Variants in APBB1 observed in about 807,000 individuals in gnomAD.
APBB1 encodes the protein amyloid beta precursor protein binding family B member 1, also known as adaptor protein FE65a2.
Under a neutral mutation model 78.4 loss-of-function variants are expected in APBB1, and 22 were observed. The observed-to-expected ratio is 0.28, with a 90% CI of 0.20 to 0.40. The LOEUF (loss-of-function observed/expected upper bound fraction) is 0.40, where lower values mean the gene tolerates loss of function less well. APBB1 is among the 10% of genes least tolerant of loss of function. The pLI is 1.00. For missense variants in APBB1, 749 were observed against 932.4 expected (o/e 0.80, Z 2.56); for synonymous variants, 369 against 372.7 (o/e 0.99, Z 0.12).
rs1848745595 is a variant in APBB1, at chr11:6,405,117, AC to A, written c.722-1296del. The A allele has an allele frequency of 5.4e-6, 7 of 1,306,072 alleles. No individual in the cohort carries two copies. The East Asian group carries it at 2.2e-4, about 42-fold the overall frequency. 80.9% of individuals were successfully genotyped at this position (1,306,072 alleles called of 1,614,324 possible). A position where few individuals can be genotyped will look rare whatever the true frequency, so the allele number is the denominator to read the frequency against. ...TCCCCCAATCCTGAATCTCCATCCC[AC>A]CCTCCAGTGGTTACCTCAGTGCCTA... On this transcript the variant is annotated intron_variant, in intron 2 of 14. Transcript: ENST00000609360.
At position 6,396,227 on chromosome 11, in the gene APBB1, G is replaced by GGACACAAGATACCACTGAGGGTA; in HGVS notation, c.1673-35_1673-13dup. On this transcript the variant is annotated splice_polypyrimidine_tract_variant and intron_variant, in intron 12 of 14. Coordinates refer to ENST00000609360, the MANE Select transcript of APBB1 (RefSeq NM_001164.5). ...AATCACATCTACCCCTAGAACATAT[G>GGACACAAGATACCACTGAGGGTA]GACACAAGATACCACTGAGGGTAGA... 1 of 1,547,458 alleles carries GGACACAAGATACCACTGAGGGTA rather than the reference G, an allele frequency of 6.5e-7. No homozygotes were observed. The highest frequency in any genetic ancestry group is 2.4e-5 in the East Asian group (1 of 40,888).
chr11:6,404,852 C>A, intron 2 of APBB1: 2 of 1,531,502 alleles, frequency 1.3e-6, no homozygotes, highest in Non-Finnish European at 1.7e-6. Context: ...GCCCCTCCAG[C>A]CCAGCCAGCT....
intron 12 of APBB1, among the ~76,000 whole-genome samples, chr11:6,399,438 C>T (rs1489343639): frequency 6.6e-6 from 1 of 152,238 alleles, no homozygotes; most frequent in Admixed American, 6.5e-5. Context: ...GAAGGTCCAA[C>T]AGCCAGGAAC....
chr11:6,417,251 T>A (rs1849143362), intron 1 of APBB1, among the ~76,000 whole-genome samples: 1 of 152,194 alleles, frequency 6.6e-6, no homozygotes, highest in South Asian at 2.1e-4. Context: ...CTAAGCTGAA[T>A]TAACTTCTAC....
In APBB1 at chr11:6,401,164, G is replaced by A. The variant is rs1480564036; in HGVS notation, c.1589-92C>T. Reference sequence around the variant, plus strand: ...GCATAAGCTGGACACTTGCCCAGCCGAGGCCCTACTTTCATCTCGTCCCCT... The same window carrying A: ...GCATAAGCTGGACACTTGCCCAGCCAAGGCCCTACTTTCATCTCGTCCCCT... On this transcript the variant is annotated intron_variant, in intron 11 of 14. Coordinates refer to ENST00000609360, the MANE Select transcript of APBB1 (RefSeq NM_001164.5). The surrounding 1 kb of genome is among the most constrained non-coding windows in gnomAD (Gnocchi z 4.5). The A allele has an allele frequency of 1.9e-5, 31 of 1,613,068 alleles. No individual in the cohort carries two copies. The highest frequency in any genetic ancestry group is 1.0e-4 in the Admixed American group (6 of 59,960).
chr11:6,395,685 C>T lies in APBB1; in HGVS notation c.1982G>A (p.Cys661Tyr). ...QAACMLRYQK[C>Y]LDARSQASTS... ...GGAGGCCTGGGAACGGGCATCCAGA[C>T]ACTTCTGGTAGCGAAGCTGCGGAGG... Residue 661 changes from cysteine to tyrosine, a missense_variant, in exon 15 of 15, where the codon TGT (cysteine) becomes TAT (tyrosine). Coordinates refer to ENST00000609360, the MANE Select transcript of APBB1 (RefSeq NM_001164.5). This position sits in a 1 kb window ranked among gnomAD's most constrained non-coding sequence, Gnocchi z 5.2. The T allele has an allele frequency of 1.3e-6, 2 of 1,588,554 alleles. No individual in the cohort carries two copies. Among genetic ancestry groups the T allele is most frequent in the Non-Finnish European group, 1.7e-6 (2 of 1,166,592 alleles).
At chr11:6,405,648 C>T in intron 2 of APBB1, 1 of 985,888 alleles carries the variant, frequency 1.0e-6, no homozygotes, top group South Asian at 4.7e-5. Flanking sequence ...CTTCACCATC[C>T]TCAGCTTCCA....
chr11:6,399,660 G>C (rs1311346110), intron 12 of APBB1, among the ~76,000 whole-genome samples: 1 of 152,172 alleles, frequency 6.6e-6, no homozygotes, highest in Non-Finnish European at 1.5e-5. Flanking sequence ...CCATGAAATA[G>C]CCAAAGTGAG....
intron 6 of APBB1, 181 bp from the exon 7 acceptor site, chr11:6,402,906 A>T (rs763053134): frequency 1.2e-6 from 1 of 831,546 alleles, no homozygotes; most frequent in Non-Finnish European, 1.8e-6. Context: ...ATGAGACCCC[A>T]GCTAGTACAA....
chr11:6,406,974 G>A (rs965913527), intron 2 of APBB1, among the ~76,000 whole-genome samples: 3 of 152,216 alleles, frequency 2.0e-5, no homozygotes, highest in Admixed American at 1.3e-4. Flanking sequence ...ATAAGGCCTG[G>A]AGCAGAGTAT....
intron 2 of APBB1, among the ~76,000 whole-genome samples, chr11:6,408,011 C>T (rs1368265116): frequency 2.0e-5 from 3 of 151,958 alleles, no homozygotes; most frequent in Admixed American, 6.6e-5. Context: ...GATCTCCTGA[C>T]CTCATGATCC....
chr11:6,410,605 C>T, intron 2 of APBB1, 22 bp downstream of exon 2: 4 of 1,507,334 alleles, frequency 2.7e-6, no homozygotes, highest in Non-Finnish European at 3.5e-6. Flanking sequence ...CCCACATGCC[C>T]ATGTCAAGCT....
In APBB1 at chr11:6,403,475, T is replaced by C; in HGVS notation, c.954+13A>G. ...TCCAGCTATCCCGTGGTAAAGCAGG[T>C]CCCCTTACCCACCTTCCAAAATTCT... is the stretch of plus-strand genomic sequence containing the variant. On this transcript the variant is annotated intron_variant, in intron 4 of 14. Coordinates refer to ENST00000609360, the MANE Select transcript of APBB1 (RefSeq NM_001164.5). The surrounding 1 kb of genome is among the most constrained non-coding windows in gnomAD (Gnocchi z 5.3). 1 of 1,614,122 alleles carries C rather than the reference T, an allele frequency of 6.2e-7. No individual in the cohort carries two copies. Among genetic ancestry groups the C allele is most frequent in the Non-Finnish European group, 8.5e-7 (1 of 1,179,998 alleles).
rs1356794530 is a variant in APBB1 at position 6,401,135 on chromosome 11, C to T, written c.1589-63G>A. 1 of 1,614,096 alleles carries T rather than the reference C, an allele frequency of 6.2e-7. No individual in the cohort carries two copies. The highest frequency in any genetic ancestry group is 1.3e-5 in the African/African-American group (1 of 75,032). On this transcript the variant is annotated intron_variant, in intron 11 of 14. Coordinates refer to ENST00000609360, the MANE Select transcript of APBB1 (RefSeq NM_001164.5). This position sits in a 1 kb window ranked among gnomAD's most constrained non-coding sequence, Gnocchi z 4.5. ...CCTTGCTCACCCGCAGCCCCACCAG[C>T]AGGGCATAAGCTGGACACTTGCCCA... is the stretch of plus-strand genomic sequence containing the variant.
At position 6,401,604 on chromosome 11, in the gene APBB1, G is replaced by C; in HGVS notation, c.1473C>G (p.Ile491Met). 1.2e-6 allele frequency: 2 copies of C among 1,614,160 alleles called. No homozygotes were observed. Among genetic ancestry groups the C allele is most frequent in the Non-Finnish European group, 1.7e-6 (2 of 1,180,038 alleles). ...AGCAGATCTCATGCAGGCTGGTGGC[G>C]ATGTTCTTGGCAGGTGCCTCACAGC... The part of the protein sequence containing the change: ...VFRCEAPAKN[I>M]ATSLHEICSK... The change falls in exon 10 of 15, where the codon ATC (isoleucine) becomes ATG (methionine). Residue 491 changes from isoleucine to methionine, a missense_variant. This residue lies in a region of APBB1 where 635 missense variants were observed against 765.0 expected (regional missense o/e 0.83). Transcript: ENST00000609360. This position sits in a 1 kb window ranked among gnomAD's most constrained non-coding sequence, Gnocchi z 4.5.
chr11:6,413,209 C>T (rs1445474815), intron 1 of APBB1, among the ~76,000 whole-genome samples: 2 of 152,022 alleles, frequency 1.3e-5, no homozygotes, highest in African/African-American at 2.4e-5. Flanking sequence ...TCAGACAGCC[C>T]CTACCACATT....
rs754337485 is a variant in APBB1, at chr11:6,401,472, G to A, written c.1504-43C>T. 6 of 1,612,698 alleles carry A rather than the reference G, an allele frequency of 3.7e-6. No individual in the cohort carries two copies. In the East Asian group the frequency reaches 1.1e-4, roughly 30 times the overall value. The stretch of plus-strand genomic sequence containing the variant: ...GCGAGGAGCCAGGGAGAATCTATTA[G>A]AGCCTCATTGCCCTGGGGCCCCCCT... On this transcript the variant is annotated intron_variant, in intron 10 of 14. Transcript: ENST00000609360. The surrounding 1 kb of genome is among the most constrained non-coding windows in gnomAD (Gnocchi z 4.5).
intron 12 of APBB1, among the ~76,000 whole-genome samples, chr11:6,397,736 C>A (rs572647125): frequency 2.2e-4 from 34 of 152,340 alleles, no homozygotes; most frequent in African/African-American, 8.2e-4. Context: ...CACACTGGGC[C>A]GTGGCCATCT....
chr11:6,411,779 G>A lies in APBB1; in HGVS notation c.-14-418C>T, dbSNP rs540862397. On this transcript the variant is annotated intron_variant, in intron 1 of 14. Coordinates refer to ENST00000609360, the MANE Select transcript of APBB1 (RefSeq NM_001164.5). This position sits in a 1 kb window ranked among gnomAD's most constrained non-coding sequence, Gnocchi z 5.2. ...CACTGATCACTGACTGCCCCTCTCC[G>A]GCCGCACTTCCATCCCAAGCCCCAT... Among the ~76,000 whole-genome samples the A allele has an allele frequency of 4.6e-5, 7 of 152,142 alleles. No homozygotes were observed. Among genetic ancestry groups the A allele is most frequent in the Middle Eastern group, 3.4e-3 (1 of 294 alleles).
Sources: allele counts gnomAD v4.1 joint callset (sites outside exome capture counted in the v4.1 genomes callset), GRCh38; gene constraint gnomAD v4.1.1; regional missense constraint gnomAD v4.1.1; non-coding constraint Gnocchi (gnomAD v3.1); transcripts MANE v1.5; gene names NCBI Gene and HGNC (gene_info 2026-07-23, HGNC 2026-07-21).